PLXNA1: variants seen among roughly 807,000 people sequenced by gnomAD.
PLXNA1 encodes plexin-A1.
In PLXNA1, 77 loss-of-function variants were observed where a neutral mutation model predicts 191.7. That is an observed-to-expected ratio of 0.40 (90% CI 0.33 to 0.49). The LOEUF is 0.49. Ranked by LOEUF, PLXNA1 falls within the 20% of genes least tolerant of loss-of-function variation. The probability of loss-of-function intolerance (pLI) is 0.63; values close to 1 mark genes in which losing one functional copy is unlikely to be tolerated. For synonymous variants in PLXNA1, 1,137 were observed against 1,156.4 expected, an observed-to-expected ratio of 0.98 and a Z score of 0.34; for missense variants, 2,110 against 2,660.2, an observed-to-expected ratio of 0.79 and a Z score of 4.55.
chr3:126,999,578 G>A (rs1324969865), intron 3 of PLXNA1, among the ~76,000 whole-genome samples: 3 of 152,218 alleles, frequency 2.0e-5, no homozygotes, highest in African/African-American at 4.8e-5. Flanking sequence ...CGGCACCCCC[G>A]CCTGCCCTCA....
At chr3:127,008,169 G>C (rs1178562811) in intron 9 of PLXNA1, among the ~76,000 whole-genome samples, 1 of 152,188 alleles carries the variant, frequency 6.6e-6, no homozygotes, top group Non-Finnish European at 1.5e-5. Context: ...TGTCCTTCGT[G>C]ACACTCAGGG....
In PLXNA1 at chr3:127,030,392, C is replaced by A; in HGVS notation, c.5211C>A (p.Arg1737=). The part of the protein sequence containing the change: ...DKHQIHDADV[R]HTWKSNCLPL... ...ACCAGATCCACGATGCTGACGTGCG[C>A]CACACCTGGAAGAGCAACTGGTAAT... The change falls in exon 29 of 32, where the codon CGC becomes CGA. Residue 1737 remains arginine, a synonymous_variant. Transcript: ENST00000393409. 1 of 1,613,948 alleles carries A rather than the reference C, an allele frequency of 6.2e-7. No homozygotes were observed. The highest frequency in any genetic ancestry group is 8.5e-7 in the Non-Finnish European group (1 of 1,179,992).
intron 3 of PLXNA1, among the ~76,000 whole-genome samples, chr3:126,993,853 T>G (rs1361911772): frequency 2.6e-5 from 4 of 152,202 alleles, no homozygotes; most frequent in Non-Finnish European, 1.5e-5. Flanking sequence ...TTCACCCAAA[T>G]CCACCTGCTC....
chr3:127,030,860 T>C (rs1378900781), intron 29 of PLXNA1, among the ~76,000 whole-genome samples: 1 of 152,150 alleles, frequency 6.6e-6, no homozygotes, highest in African/African-American at 2.4e-5. Context: ...AGAGCCTGCT[T>C]ACTGAGGCGC....
In PLXNA1 at chr3:127,016,609, C is replaced by T; in HGVS notation, c.3107C>T (p.Thr1036Ile). 12 of 1,614,054 alleles carry T rather than the reference C, an allele frequency of 7.4e-6. No individual in the cohort carries two copies. Among genetic ancestry groups the T allele is most frequent in the Non-Finnish European group, 9.3e-6 (11 of 1,179,992 alleles). Reference sequence around the variant, plus strand: ...ATCAACATCAACCGCGCCCAGCTCACCAACCCTGAGGTGAAGTACAACTAC... The same window carrying T: ...ATCAACATCAACCGCGCCCAGCTCATCAACCCTGAGGTGAAGTACAACTAC... ...IIININRAQL[T>I]NPEVKYNYTE... Residue 1036 changes from threonine to isoleucine, a missense_variant, in exon 16 of 32, where the codon ACC (threonine) becomes ATC (isoleucine). Thr to Ile is a moderately conservative substitution (Grantham distance 89). Around this residue, in one of 4 missense-constraint regions of PLXNA1, gnomAD observed 644 missense variants for 714.3 expected, o/e 0.90. Coordinates refer to ENST00000393409, the MANE Select transcript of PLXNA1 (RefSeq NM_032242.4).
At chr3:126,988,466 TATC>T (rs1477555255) in intron 1 of PLXNA1, 52 bp from the exon 2 acceptor site, 28 of 841,366 alleles carry the variant, frequency 3.3e-5, no homozygotes, top group Non-Finnish European at 4.8e-5. Flanking sequence ...GAGATCATAA[TATC>T]ATGGGATGGG....
At position 127,035,761 on chromosome 3, in the gene PLXNA1, C is replaced by G. The variant is rs182129169; in HGVS notation, c.*1744C>G. The G allele has an allele frequency of 3.9e-5, 6 of 152,538 alleles. No individual in the cohort carries two copies. The East Asian group carries it at 1.2e-3, about 29-fold the overall frequency. 9.4% of individuals were successfully genotyped at this position (152,538 alleles called of 1,614,324 possible). The stretch of plus-strand genomic sequence containing the variant: ...TCCTTGGCCAGGCCCAAGGAGAGGA[C>G]TCGGCCCCATGGGGTGTGCCAGTCT... On this transcript the variant is annotated 3_prime_UTR_variant, in exon 32 of 32. Transcript: ENST00000393409.
Position 127,014,165 on chromosome 3 carries a change from C to A in PLXNA1, c.2411-17C>A. On this transcript the variant is annotated splice_polypyrimidine_tract_variant and intron_variant, in intron 11 of 31. Coordinates refer to ENST00000393409, the MANE Select transcript of PLXNA1 (RefSeq NM_032242.4). ...GGGCAGTGGGCGGGCCCGAGCTGAC[C>A]GCACCCCTCCCCACAGCGCACCTCT... The A allele has an allele frequency of 6.2e-7, 1 of 1,611,886 alleles. No homozygotes were observed. The highest frequency in any genetic ancestry group is 1.7e-5 in the Admixed American group (1 of 59,952).
intron 4 of PLXNA1, among the ~76,000 whole-genome samples, chr3:127,004,229 C>T (rs1273513723): frequency 6.6e-6 from 1 of 152,218 alleles, no homozygotes; most frequent in Admixed American, 6.5e-5. Flanking sequence ...CCCAGCCTGC[C>T]CCTCTGAGCA....
At position 127,016,882 on chromosome 3, in the gene PLXNA1, C is replaced by T. The variant is rs1025729172; in HGVS notation, c.3183-62C>T. 96 of 1,464,382 alleles carry T rather than the reference C, an allele frequency of 6.6e-5. 2 individuals are homozygous for T. Among genetic ancestry groups the T allele is most frequent in the South Asian group, 5.2e-4 (43 of 81,930 alleles). The allele number at this position is 1,464,382 out of a possible 1,614,324, so 90.7% of individuals were successfully genotyped here. A position where few individuals can be genotyped will look rare whatever the true frequency, so the allele number is the denominator to read the frequency against. On this transcript the variant is annotated intron_variant, in intron 16 of 31. Coordinates refer to ENST00000393409, the MANE Select transcript of PLXNA1 (RefSeq NM_032242.4). ...CTTTGCCTGGCTGAGCTGTGGCCCACGTTTCCAGCTCACTGGGCCCCAGCA... is the reference window on the plus strand; with the variant it reads ...CTTTGCCTGGCTGAGCTGTGGCCCATGTTTCCAGCTCACTGGGCCCCAGCA...
chr3:127,009,463 T>C (rs994693193), intron 9 of PLXNA1, among the ~76,000 whole-genome samples: 5 of 151,958 alleles, frequency 3.3e-5, no homozygotes, highest in African/African-American at 1.2e-4. Context: ...CTCTTTTTTT[T>C]AGCTTGAGTC....
In PLXNA1 at chr3:127,004,904, T is replaced by C; in HGVS notation, c.1639T>C (p.Cys547Arg). The change falls in exon 6 of 32, where the codon TGT becomes CGT. Residue 547 changes from cysteine (C) to arginine (R), a missense_variant. Around this residue, in one of 4 missense-constraint regions of PLXNA1, gnomAD observed 903 missense variants for 1,015.7 expected, o/e 0.89. Transcript: ENST00000393409. ...LHSICSRRDA[C>R]ERADEPQRFA... ...CTGCAGCTGCTCGCGGCGGGACGCCTGTGAGCGAGCAGACGAGCCCCAGCG... is the reference window on the plus strand; with the variant it reads ...CTGCAGCTGCTCGCGGCGGGACGCCCGTGAGCGAGCAGACGAGCCCCAGCG... The C allele has an allele frequency of 6.2e-7, 1 of 1,603,554 alleles. No individual in the cohort carries two copies. Among genetic ancestry groups the C allele is most frequent in the Non-Finnish European group, 8.5e-7 (1 of 1,173,524 alleles).
Position 127,014,293 on chromosome 3 carries a change from A to G in PLXNA1, c.2522A>G (p.His841Arg), listed in dbSNP as rs1470423475. ...GCCGAGCGCCGCTGCTCCCTGCGAC[A>G]CCACTGCGCTGCCGACACACCTGCA... ...CVAERRCSLRHHCAADTPASW... is the reference protein window; with the variant it reads ...CVAERRCSLRRHCAADTPASW... The change falls in exon 12 of 32, where the codon CAC (histidine) becomes CGC (arginine). Residue 841 changes from histidine (H) to arginine (R), a missense_variant. Physicochemically the swap from His to Arg is conservative, Grantham distance 29. This residue lies in a region of PLXNA1 where 644 missense variants were observed against 714.3 expected (regional missense o/e 0.90). Coordinates refer to ENST00000393409, the MANE Select transcript of PLXNA1 (RefSeq NM_032242.4). The G allele has an allele frequency of 6.3e-7, 1 of 1,595,750 alleles. No homozygotes were observed. Among genetic ancestry groups the G allele is most frequent in the Non-Finnish European group, 8.5e-7 (1 of 1,174,854 alleles).
chr3:127,015,539 AAC>A (rs1440947556), intron 15 of PLXNA1, among the ~76,000 whole-genome samples: 3 of 152,310 alleles, frequency 2.0e-5, no homozygotes, highest in Admixed American at 2.0e-4. Context: ...GGGGCGGGGC[AAC>A]TTGGCTGCCT....
chr3:127,003,289 G>A (rs1004766154), intron 3 of PLXNA1, 41 bp from the exon 4 acceptor site: 1 of 1,537,610 alleles, frequency 6.5e-7, no homozygotes, highest in Non-Finnish European at 8.8e-7. Flanking sequence ...GGGTCAGGGA[G>A]GTATCAGCAC....
intron 3 of PLXNA1, among the ~76,000 whole-genome samples, chr3:126,999,785 G>A (rs1485309567): frequency 2.0e-5 from 3 of 152,166 alleles, no homozygotes; most frequent in African/African-American, 4.8e-5. Flanking sequence ...CTGCTCCCTG[G>A]CCTATCTGTG....
intron 1 of PLXNA1, among the ~76,000 whole-genome samples, chr3:126,983,614 C>T (rs1336700717): frequency 6.8e-6 from 1 of 148,050 alleles, no homozygotes; most frequent in South Asian, 2.1e-4. Context: ...CGGCCTCCCC[C>T]GCCCCCCGGC....
intron 4 of PLXNA1, 126 bp downstream of exon 4, chr3:127,003,596 A>T: frequency 8.8e-7 from 1 of 1,132,476 alleles, no homozygotes; most frequent in African/African-American, 1.6e-5. Flanking sequence ...TGGTAAAAGT[A>T]GTTTCAAGCT....
intron 23 of PLXNA1, among the ~76,000 whole-genome samples, chr3:127,024,712 A>G (rs1336076833): frequency 6.6e-6 from 1 of 152,084 alleles, no homozygotes; most frequent in African/African-American, 2.4e-5. Context: ...GGACCCCTAT[A>G]TATGCAAGGG....
Sources: allele counts gnomAD v4.1 joint callset (sites outside exome capture counted in the v4.1 genomes callset), GRCh38; gene constraint gnomAD v4.1.1; regional missense constraint gnomAD v4.1.1; transcripts MANE v1.5; gene names NCBI Gene and HGNC (gene_info 2026-07-23, HGNC 2026-07-21).